IQSEC3: variants seen among roughly 807,000 people sequenced by gnomAD.
The protein encoded by IQSEC3 is IQ motif and Sec7 domain ArfGEF 3, also known as IQ motif and SEC7 domain-containing protein 3.
IQSEC3 carries 50 observed loss-of-function variants against 105.4 expected under a neutral mutation model. The observed-to-expected ratio is 0.47, with a 90% CI of 0.38 to 0.60. IQSEC3 has a LOEUF of 0.60. IQSEC3 is among the 20% of genes least tolerant of loss of function. IQSEC3 has a pLI of 0.00. For synonymous variants in IQSEC3, 708 were observed against 746.0 expected (o/e 0.95, Z 0.83); for missense variants, 1,415 against 1,630.0 (o/e 0.87, Z 2.27).
rs781833920 is a variant in IQSEC3, at chr12:165,447, G to C, written c.2723G>C (p.Cys908Ser). The C allele has an allele frequency of 4.3e-6, 7 of 1,613,998 alleles. No individual in the cohort carries two copies. The South Asian group carries it at 7.7e-5, about 18-fold the overall frequency. Residue 908 changes from cysteine (C) to serine (S), a missense_variant, in exon 10 of 14, where the codon TGC becomes TCC. Transcript: ENST00000538872. ...FNDLLVILKL[C>S]PKKKSSSTYT... The stretch of plus-strand genomic sequence containing the variant: ...TCTCCTGAACAGATTCTCAAACTTT[G>C]CCCGAAGAAGAAGAGCTCCTCCACG...
In IQSEC3 at chr12:138,132, G is replaced by C; in HGVS notation, c.904-135G>C. 1 of 740,228 alleles carries C rather than the reference G, an allele frequency of 1.4e-6. No individual in the cohort carries two copies. Among genetic ancestry groups the C allele is most frequent in the Non-Finnish European group, 2.2e-6 (1 of 457,742 alleles). 45.9% of individuals were successfully genotyped at this position (740,228 alleles called of 1,614,324 possible). A position where few individuals can be genotyped will look rare whatever the true frequency, so the allele number is the denominator to read the frequency against. ...GTTCTAGGCGGTTCAGACTTTAGCT[G>C]CCCAGGAGCGCCCCCCCGCCCCCGT... On this transcript the variant is annotated intron_variant, in intron 3 of 13. Coordinates refer to ENST00000538872, the MANE Select transcript of IQSEC3 (RefSeq NM_001170738.2). This position sits in a 1 kb window ranked among gnomAD's most constrained non-coding sequence, Gnocchi z 7.1.
chr12:173,374 G>A (rs1445945703), intron 13 of IQSEC3, among the ~76,000 whole-genome samples: 2 of 152,230 alleles, frequency 1.3e-5, no homozygotes, highest in African/African-American at 2.4e-5. Context: ...AAAGGCCTGC[G>A]GAGCCTCGGG....
At chr12:117,398 C>T (rs1187407413) in intron 2 of IQSEC3, among the ~76,000 whole-genome samples, 6 of 152,218 alleles carry the variant, frequency 3.9e-5, no homozygotes, top group Non-Finnish European at 7.3e-5. Flanking sequence ...AGTAGGATTC[C>T]GGGGGCAGTA....
chr12:138,083 G>A lies in IQSEC3; in HGVS notation c.904-184G>A, dbSNP rs1865842926. On this transcript the variant is annotated intron_variant, in intron 3 of 13. Coordinates refer to ENST00000538872, the MANE Select transcript of IQSEC3 (RefSeq NM_001170738.2). The surrounding 1 kb of genome is among the most constrained non-coding windows in gnomAD (Gnocchi z 7.1). ...CGGACCCCTCCGTCCTACACCTCTA[G>A]GAGTCTTGCCACGTGGCCAGGACGT... is the stretch of plus-strand genomic sequence containing the variant. Among the ~76,000 whole-genome samples, 1 of 152,044 alleles carries A rather than the reference G, an allele frequency of 6.6e-6. No individual in the cohort carries two copies. The highest frequency in any genetic ancestry group is 1.5e-5 in the Non-Finnish European group (1 of 68,002).
chr12:113,098 C>T (rs1487510139), intron 2 of IQSEC3, among the ~76,000 whole-genome samples: 2 of 152,108 alleles, frequency 1.3e-5, no homozygotes, highest in Non-Finnish European at 2.9e-5. Context: ...CAGCCTGGCC[C>T]CCACTTCCTT....
At chr12:173,266 G>A (rs1555100898) in intron 13 of IQSEC3, among the ~76,000 whole-genome samples, 1 of 152,198 alleles carries the variant, frequency 6.6e-6, no homozygotes, top group Non-Finnish European at 1.5e-5. Flanking sequence ...GAGACCTCAG[G>A]CCTGGAACAT....
chr12:83,945 A>C (rs1555071387), intron 1 of IQSEC3, among the ~76,000 whole-genome samples: 4 of 152,138 alleles, frequency 2.6e-5, no homozygotes, highest in Non-Finnish European at 5.9e-5. Context: ...TGACGGGAAG[A>C]TATTACAGTC....
chr12:113,764 T>A (rs1280325818), intron 2 of IQSEC3, among the ~76,000 whole-genome samples: 5 of 152,054 alleles, frequency 3.3e-5, no homozygotes, highest in African/African-American at 1.2e-4. Context: ...CTGAAGAACT[T>A]AAAAATAGCG....
At chr12:118,873 G>T (rs782746914) in intron 2 of IQSEC3, among the ~76,000 whole-genome samples, 17 of 152,286 alleles carry the variant, frequency 1.1e-4, no homozygotes, top group Middle Eastern at 3.4e-3. Context: ...GGGCCTGCCT[G>T]GGAGCCCAGA....
intron 8 of IQSEC3, among the ~76,000 whole-genome samples, chr12:162,285 G>A (rs555890029): frequency 7.6e-4 from 115 of 152,098 alleles, no homozygotes; most frequent in African/African-American, 2.5e-3. Flanking sequence ...CAGGAGAGAC[G>A]GAGATGAGAT....
intron 11 of IQSEC3, 116 bp from the exon 12 acceptor site, chr12:168,897 T>G (rs1395180185): frequency 5.9e-6 from 5 of 846,466 alleles, no homozygotes; most frequent in Non-Finnish European, 9.9e-6. Context: ...TTTCACAGCA[T>G]GTACTGGGAC....
intron 5 of IQSEC3, chr12:142,303 A>G (rs964191353): frequency 6.6e-6 from 1 of 151,836 alleles, no homozygotes; most frequent in Admixed American, 6.6e-5. Flanking sequence ...GAGCTTGGAT[A>G]TTTCACTTCT....
At chr12:75,805 G>A (rs1319767674) in intron 1 of IQSEC3, among the ~76,000 whole-genome samples, 1 of 152,276 alleles carries the variant, frequency 6.6e-6, no homozygotes, top group Non-Finnish European at 1.5e-5. Context: ...GGCTGAGGAA[G>A]AGTTGGGCAG....
At chr12:174,215 A>G (rs1344013926) in intron 13 of IQSEC3, among the ~76,000 whole-genome samples, 1 of 152,144 alleles carries the variant, frequency 6.6e-6, no homozygotes, top group Admixed American at 6.5e-5. Flanking sequence ...CCTTTGCCTC[A>G]GCACACTCCT....
intron 1 of IQSEC3, among the ~76,000 whole-genome samples, chr12:74,029 C>G (rs1198319946): frequency 9.9e-5 from 15 of 152,220 alleles, no homozygotes; most frequent in African/African-American, 3.4e-4. Context: ...AGTTATCACC[C>G]GATGCCCCAT....
intron 4 of IQSEC3, 178 bp from the exon 5 acceptor site, chr12:140,946 C>A: frequency 1.7e-6 from 1 of 594,434 alleles, no homozygotes; most frequent in South Asian, 2.6e-5. Flanking sequence ...TCCTTCTGGT[C>A]ACACACCATC....
intron 1 of IQSEC3, among the ~76,000 whole-genome samples, chr12:79,031 C>G (rs7956907): frequency 0.079 from 12,048 of 152,228 alleles, 1,554 homozygotes; most frequent in African/African-American, 0.27. Context: ...CCCTTGCCTT[C>G]CAGTCCACTG....
At chr12:95,445 C>G (rs1864216105) in intron 1 of IQSEC3, among the ~76,000 whole-genome samples, 1 of 152,166 alleles carries the variant, frequency 6.6e-6, no homozygotes, top group South Asian at 2.1e-4. Flanking sequence ...TTTCTGACAT[C>G]TTCCAGCTCT....
intron 1 of IQSEC3, among the ~76,000 whole-genome samples, chr12:98,864 G>A (rs1400000412): frequency 3.9e-5 from 6 of 152,226 alleles, no homozygotes; most frequent in Non-Finnish European, 7.3e-5. Context: ...GGGAGGGCGT[G>A]CAGAAGTAGG....
Sources: allele counts gnomAD v4.1 joint callset (sites outside exome capture counted in the v4.1 genomes callset), GRCh38; gene constraint gnomAD v4.1.1; non-coding constraint Gnocchi (gnomAD v3.1); transcripts MANE v1.5; gene names NCBI Gene and HGNC (gene_info 2026-07-23, HGNC 2026-07-21).